The following PDE4D variants were observed in gnomAD, a reference collection of about 807,000 sequenced individuals.
PDE4D encodes the protein 3',5'-cyclic-AMP phosphodiesterase 4D.
Under a neutral mutation model 87.4 loss-of-function variants are expected in PDE4D, and 24 were observed. The ratio of observed to expected loss-of-function variants is 0.27; its 90% CI spans 0.20 to 0.39. PDE4D has a LOEUF of 0.39. Among genes scored for constraint, PDE4D ranks in the 10% least tolerant of loss-of-function variants. The probability of loss-of-function intolerance (pLI) is 1.00; values close to 1 mark genes in which losing one functional copy is unlikely to be tolerated. For synonymous variants in PDE4D, 384 were observed against 383.2 expected (o/e 1.00, Z -0.02); for missense variants, 714 against 1,041.0 (o/e 0.69, Z 4.32).
chr5:59,642,734 C>A (rs1741810073), intron 1 of PDE4D, among the ~76,000 whole-genome samples: 1 of 152,190 alleles, frequency 6.6e-6, no homozygotes, highest in Non-Finnish European at 1.5e-5. Context: ...CAGACTAACA[C>A]ATGCACTAAG....
chr5:59,849,580 G>A (rs930829572), intron 1 of PDE4D, among the ~76,000 whole-genome samples: 1 of 151,158 alleles, frequency 6.6e-6, no homozygotes, highest in African/African-American at 2.4e-5. Context: ...ACAAAGATGA[G>A]CCTCAGCCTG....
At chr5:59,363,337 C>T (rs1403330867) in intron 1 of PDE4D, among the ~76,000 whole-genome samples, 1 of 152,116 alleles carries the variant, frequency 6.6e-6, no homozygotes, top group Non-Finnish European at 1.5e-5. Context: ...TCTGTATCAC[C>T]ACTGAGGAAA....
At chr5:59,773,208 G>C (rs183278885) in intron 1 of PDE4D, among the ~76,000 whole-genome samples, 194 of 152,204 alleles carry the variant, frequency 1.3e-3, no homozygotes, top group African/African-American at 4.5e-3. Context: ...TGTTGCTTTC[G>C]TACTACAATT....
intron 1 of PDE4D, among the ~76,000 whole-genome samples, chr5:59,535,032 G>C (rs1814901750): frequency 6.8e-6 from 1 of 146,630 alleles, no homozygotes; most frequent in African/African-American, 2.5e-5. Context: ...AACTATTGAG[G>C]ACAACAAGAT....
At chr5:59,197,462 G>A (rs534036099) in intron 2 of PDE4D, among the ~76,000 whole-genome samples, 37 of 152,162 alleles carry the variant, frequency 2.4e-4, no homozygotes, top group African/African-American at 6.7e-4. Flanking sequence ...CTCGATAAAC[G>A]GCAGGTTATA....
chr5:59,480,155 T>C lies in PDE4D; in HGVS notation c.456-264187A>G, dbSNP rs138389971. ...TTCAATAACTTCATTAAAGAAGAAATTCTCCAAGATTTTTGTTCATGAATA... is the reference window on the plus strand; with the variant it reads ...TTCAATAACTTCATTAAAGAAGAAACTCTCCAAGATTTTTGTTCATGAATA... On this transcript the variant is annotated intron_variant, in intron 1 of 14. Transcript: ENST00000340635. Among the ~76,000 whole-genome samples the C allele has an allele frequency of 4.0e-3, 609 of 152,090 alleles. 1 individual carries two copies. Among genetic ancestry groups the C allele is most frequent in the African/African-American group, 0.014 (566 of 41,516 alleles).
At chr5:60,481,260 T>C (rs1341013125) in intron 1 of PDE4D, among the ~76,000 whole-genome samples, 1 of 152,198 alleles carries the variant, frequency 6.6e-6, no homozygotes, top group African/African-American at 2.4e-5. Context: ...GCTTATGACT[T>C]TTATTGAAAC....
rs112057343 is a variant in PDE4D at position 59,751,326 on chromosome 5, A to G, written c.455+141842T>C. ...CACATCTGATTTGAATGAAAACAGC[A>G]TTGTGTATCTATTTCAGAAGGATTA... On this transcript the variant is annotated intron_variant, in intron 1 of 14. Transcript: ENST00000340635. Among the ~76,000 whole-genome samples, 618 of 152,300 alleles carry G rather than the reference A, an allele frequency of 4.1e-3. 7 individuals are homozygous for G. Among genetic ancestry groups the G allele is most frequent in the African/African-American group, 0.014 (586 of 41,568 alleles).
intron 1 of PDE4D, among the ~76,000 whole-genome samples, chr5:59,869,367 A>C (rs983454295): frequency 5.9e-5 from 9 of 152,204 alleles, no homozygotes; most frequent in Non-Finnish European, 1.0e-4. Context: ...AAAAACTCCA[A>C]GGCAGGAGTG....
intron 3 of PDE4D, among the ~76,000 whole-genome samples, chr5:59,961,059 C>G (rs1159749279): frequency 1.3e-5 from 2 of 152,044 alleles, no homozygotes; most frequent in East Asian, 3.9e-4. Context: ...GGAGACACAT[C>G]AGTGAGCATA....
At chr5:59,320,676 T>C (rs1774561420) in intron 1 of PDE4D, among the ~76,000 whole-genome samples, 1 of 152,086 alleles carries the variant, frequency 6.6e-6, no homozygotes, top group Admixed American at 6.6e-5. Context: ...TATGACAAGA[T>C]TGAAAAAAGT....
intron 2 of PDE4D, among the ~76,000 whole-genome samples, chr5:60,108,475 C>T (rs1205248105): frequency 6.6e-6 from 1 of 152,166 alleles, no homozygotes; most frequent in East Asian, 1.9e-4. Flanking sequence ...CATCAAGCTA[C>T]CAATGACTTT....
chr5:59,834,511 T>C (rs1741710446), intron 1 of PDE4D, among the ~76,000 whole-genome samples: 2 of 152,052 alleles, frequency 1.3e-5, no homozygotes, highest in African/African-American at 4.8e-5. Flanking sequence ...TACATCTGAT[T>C]GTGCAAAACT....
chr5:58,981,663 G>A (rs1480530858), intron 11 of PDE4D, among the ~76,000 whole-genome samples: 2 of 152,048 alleles, frequency 1.3e-5, no homozygotes, highest in Non-Finnish European at 2.9e-5. Flanking sequence ...GCTGGTATTT[G>A]TAATTACCTT....
intron 1 of PDE4D, among the ~76,000 whole-genome samples, chr5:59,876,124 A>G (rs1049082465): frequency 1.3e-5 from 2 of 152,176 alleles, no homozygotes; most frequent in Non-Finnish European, 2.9e-5. Context: ...TTAAAAGGAC[A>G]ACAACAACAT....
intron 1 of PDE4D, among the ~76,000 whole-genome samples, chr5:59,715,121 C>T (rs1407856754): frequency 6.6e-6 from 1 of 152,242 alleles, no homozygotes; most frequent in Non-Finnish European, 1.5e-5. Context: ...GGACAGGCTA[C>T]AGTTGTCGTG....
chr5:59,322,948 C>T (rs1376581219), intron 1 of PDE4D, among the ~76,000 whole-genome samples: 3 of 152,078 alleles, frequency 2.0e-5, no homozygotes, highest in Non-Finnish European at 1.5e-5. Flanking sequence ...GTTGATTGTT[C>T]GGTAGCATTA....
intron 1 of PDE4D, among the ~76,000 whole-genome samples, chr5:59,394,007 C>A (rs1243421317): frequency 6.6e-6 from 1 of 152,092 alleles, no homozygotes; most frequent in Non-Finnish European, 1.5e-5. Flanking sequence ...ACTGTGGGGC[C>A]TAATGTTTCA....
intron 1 of PDE4D, among the ~76,000 whole-genome samples, chr5:60,328,199 G>A (rs1456782743): frequency 6.6e-6 from 1 of 152,136 alleles, no homozygotes; most frequent in Non-Finnish European, 1.5e-5. Context: ...AATGACTAAA[G>A]GGACACAATG....
Sources: allele counts gnomAD v4.1 joint callset (sites outside exome capture counted in the v4.1 genomes callset), GRCh38; gene constraint gnomAD v4.1.1; transcripts MANE v1.5; gene names NCBI Gene and HGNC (gene_info 2026-07-23, HGNC 2026-07-21).